Variants in TRAPPC9 observed in about 807,000 individuals in gnomAD.
The protein encoded by TRAPPC9 is IKK2 binding protein.
In TRAPPC9, 83 loss-of-function variants were observed where a neutral mutation model predicts 124.0. That is an observed-to-expected ratio of 0.67 (90% CI 0.56 to 0.80). The LOEUF is 0.80. Among genes scored for constraint, TRAPPC9 ranks in the 30% least tolerant of loss-of-function variants. The probability of loss-of-function intolerance (pLI) is 0.00; values close to 1 mark genes in which losing one functional copy is unlikely to be tolerated. For missense variants in TRAPPC9, 1,302 were observed against 1,508.3 expected (o/e 0.86, Z 2.27); for synonymous variants, 638 against 617.5 (o/e 1.03, Z -0.49).
At chr8:140,383,170 C>T (rs980126312) in intron 7 of TRAPPC9, among the ~76,000 whole-genome samples, 1 of 152,150 alleles carries the variant, frequency 6.6e-6, no homozygotes, top group African/African-American at 2.4e-5. Context: ...TGTATATCAC[C>T]ATCATCAAAG....
intron 21 of TRAPPC9, among the ~76,000 whole-genome samples, chr8:139,800,880 G>C (rs1206300179): frequency 1.5e-5 from 2 of 133,012 alleles, no homozygotes; most frequent in Non-Finnish European, 3.1e-5. Context: ...CCCTCCCTCT[G>C]GTATCTTCCC....
chr8:140,229,288 A>T (rs2063533996), intron 16 of TRAPPC9, among the ~76,000 whole-genome samples: 1 of 114,298 alleles, frequency 8.7e-6, no homozygotes, highest in Non-Finnish European at 1.6e-5. Context: ...TTTTTGAGAC[A>T]CAATCTCTCT....
At chr8:140,231,495 T>C (rs1212858193) in intron 16 of TRAPPC9, among the ~76,000 whole-genome samples, 2 of 127,136 alleles carry the variant, frequency 1.6e-5, no homozygotes, top group East Asian at 2.2e-4. Flanking sequence ...TTTTTTTTTT[T>C]TTTTTTTTTT....
At chr8:140,279,292 A>G (rs1050206999) in intron 14 of TRAPPC9, among the ~76,000 whole-genome samples, 54 of 152,256 alleles carry the variant, frequency 3.5e-4, no homozygotes, top group Admixed American at 1.6e-3. Context: ...TTTTTTATTC[A>G]TTGCATTTTT....
chr8:139,897,596 A>G (rs547366863), intron 20 of TRAPPC9, among the ~76,000 whole-genome samples: 22 of 152,268 alleles, frequency 1.4e-4, no homozygotes, highest in African/African-American at 5.1e-4. Flanking sequence ...TCAGTTACCT[A>G]CAGATCATCC....
chr8:140,096,233 G>A (rs956933628), intron 17 of TRAPPC9: 6 of 152,248 alleles, frequency 3.9e-5, no homozygotes, highest in Non-Finnish European at 4.4e-5. Context: ...GCTGAGTGTC[G>A]GAGGGAGGAG....
chr8:140,264,147 T>C (rs1302836388), intron 15 of TRAPPC9, among the ~76,000 whole-genome samples: 1 of 152,168 alleles, frequency 6.6e-6, no homozygotes, highest in Non-Finnish European at 1.5e-5. Flanking sequence ...GACCAGAAAG[T>C]TAGAAAGCCC....
chr8:140,334,115 T>A (rs958725891), intron 9 of TRAPPC9, among the ~76,000 whole-genome samples: 47 of 152,244 alleles, frequency 3.1e-4, no homozygotes, highest in Admixed American at 1.4e-3. Context: ...CAATCTCTCA[T>A]GTGTAATATG....
intron 21 of TRAPPC9, among the ~76,000 whole-genome samples, chr8:139,831,642 G>A (rs1006229739): frequency 6.6e-6 from 1 of 152,194 alleles, no homozygotes; most frequent in Admixed American, 6.5e-5. Context: ...GCCGCAGCCT[G>A]TGCCAGCCTC....
chr8:140,202,689 T>C (rs979103346), intron 17 of TRAPPC9, among the ~76,000 whole-genome samples: 1 of 152,174 alleles, frequency 6.6e-6, no homozygotes, highest in African/African-American at 2.4e-5. Flanking sequence ...TATTCTCTGG[T>C]TGCAAGGAGA....
intron 11 of TRAPPC9, among the ~76,000 whole-genome samples, chr8:140,299,511 G>T (rs997049405): frequency 5.3e-5 from 8 of 152,258 alleles, no homozygotes; most frequent in African/African-American, 1.9e-4. Flanking sequence ...AGAGCGCCGC[G>T]GTTGCGCAGG....
At chr8:140,111,855 T>C (rs1463956231) in intron 17 of TRAPPC9, among the ~76,000 whole-genome samples, 2 of 152,264 alleles carry the variant, frequency 1.3e-5, no homozygotes, top group East Asian at 1.9e-4. Context: ...AAAATATTTA[T>C]GGCTTTTGAG....
At chr8:139,837,385 A>G (rs1826431830) in intron 21 of TRAPPC9, among the ~76,000 whole-genome samples, 1 of 152,104 alleles carries the variant, frequency 6.6e-6, no homozygotes. Context: ...CGGCACTTCA[A>G]AAAGGCCCCT....
intron 21 of TRAPPC9, among the ~76,000 whole-genome samples, chr8:139,829,766 A>T (rs1441168481): frequency 2.0e-5 from 3 of 152,236 alleles, no homozygotes; most frequent in Non-Finnish European, 2.9e-5. Context: ...GAAAGAATGG[A>T]CATCTGCTCC....
chr8:140,239,537 C>T (rs2063810663), intron 16 of TRAPPC9, among the ~76,000 whole-genome samples: 1 of 152,162 alleles, frequency 6.6e-6, no homozygotes, highest in Non-Finnish European at 1.5e-5. Context: ...TGAGAAGGAC[C>T]AAAGTGCAGG....
At chr8:139,877,360 T>G (rs1398641774) in intron 21 of TRAPPC9, among the ~76,000 whole-genome samples, 1 of 152,218 alleles carries the variant, frequency 6.6e-6, no homozygotes, top group African/African-American at 2.4e-5. Flanking sequence ...TCAGGGAGCA[T>G]GCTGGGTTTC....
intron 18 of TRAPPC9, among the ~76,000 whole-genome samples, chr8:140,010,192 A>G (rs1839031112): frequency 6.6e-6 from 1 of 152,216 alleles, no homozygotes; most frequent in African/African-American, 2.4e-5. Flanking sequence ...ATTTTGTAAA[A>G]TCTTAGATTT....
intron 16 of TRAPPC9, among the ~76,000 whole-genome samples, chr8:140,238,175 G>A (rs958997714): frequency 1.3e-5 from 2 of 152,162 alleles, no homozygotes; most frequent in African/African-American, 2.4e-5. Flanking sequence ...CGTCGGTTCC[G>A]GCTGCCTGCA....
intron 21 of TRAPPC9, among the ~76,000 whole-genome samples, chr8:139,871,641 T>C (rs1167843990): frequency 6.6e-6 from 1 of 152,204 alleles, no homozygotes; most frequent in African/African-American, 2.4e-5. Flanking sequence ...CAAAAAAAGA[T>C]GTCTCTTAAA....
Sources: allele counts gnomAD v4.1 joint callset (sites outside exome capture counted in the v4.1 genomes callset), GRCh38; gene constraint gnomAD v4.1.1; transcripts MANE v1.5; gene names NCBI Gene and HGNC (gene_info 2026-07-23, HGNC 2026-07-21).